The following ZDHHC15 variants were observed in gnomAD, a reference collection of about 807,000 sequenced individuals.
ZDHHC15 encodes the protein zDHHC palmitoyltransferase 15.
A neutral mutation model predicts 31.7 loss-of-function variants in ZDHHC15; 19 were observed. The observed-to-expected ratio is 0.60, with a 90% CI of 0.42 to 0.88. ZDHHC15 has a LOEUF of 0.88. ZDHHC15 is among the 40% of genes least tolerant of loss of function. The probability of loss-of-function intolerance (pLI) is 0.00; values close to 1 mark genes in which losing one functional copy is unlikely to be tolerated. For missense variants in ZDHHC15, 209 were observed against 251.2 expected (o/e 0.83, Z 1.14); for synonymous variants, 103 against 90.0 (o/e 1.14, Z -0.82).
At chrX:75,434,648 A>G (rs778789918) in intron 4 of ZDHHC15, among the ~76,000 whole-genome samples, 18 of 111,671 alleles carry the variant, frequency 1.6e-4, no homozygotes, top group Non-Finnish European at 3.0e-4. Flanking sequence ...AGTTAGCTGT[A>G]AGTATTTGGG....
intron 1 of ZDHHC15, among the ~76,000 whole-genome samples, chrX:75,509,664 ACT>A (rs773421722): frequency 1.8e-3 from 198 of 112,395 alleles, no homozygotes; most frequent in Non-Finnish European, 3.3e-3. Context: ...TTAATTAATC[ACT>A]GTGTGCCTCA....
At position 75,371,533 on chromosome X, in the gene ZDHHC15, A is replaced by G. The variant is rs764635613; in HGVS notation, c.*1445T>C. 9.8e-5 allele frequency: 11 copies of G among 111,939 alleles called. No homozygotes were observed. Among genetic ancestry groups the G allele is most frequent in the Non-Finnish European group, 1.9e-4 (10 of 53,210 alleles). 9.2% of individuals were successfully genotyped at this position (111,939 alleles called of 1,213,427 possible). A position where few individuals can be genotyped will look rare whatever the true frequency, so the allele number is the denominator to read the frequency against. On this transcript the variant is annotated 3_prime_UTR_variant, in exon 12 of 12. Coordinates refer to ENST00000373367, the MANE Select transcript of ZDHHC15 (RefSeq NM_144969.3). ...CTGGATTGTTCACTTTCTCAGCTCCACTGGAACCCCAACACTAAATTGTGG... is the reference window on the plus strand; with the variant it reads ...CTGGATTGTTCACTTTCTCAGCTCCGCTGGAACCCCAACACTAAATTGTGG...
In ZDHHC15 at chrX:75,460,710, A is replaced by G. The variant is rs1020246391; in HGVS notation, c.259-9788T>C. Among the ~76,000 whole-genome samples, 5 of 111,250 alleles carry G rather than the reference A, an allele frequency of 4.5e-5. No individual in the cohort carries two copies. The South Asian group carries it at 1.5e-3, about 34-fold the overall frequency. ...ACCACAGCAGCCCTATAGGAGAGTG[A>G]CCTGACTGTTAAAAGAAAAACAAAC... On this transcript the variant is annotated intron_variant, in intron 3 of 11. Transcript: ENST00000373367.
At chrX:75,431,566 A>G (rs1194020994) in intron 4 of ZDHHC15, 46 bp from the exon 5 acceptor site, 7 of 1,077,934 alleles carry the variant, frequency 6.5e-6, no homozygotes, top group Non-Finnish European at 7.6e-6. Context: ...AGGGCTCAAT[A>G]TAAGACCTTA....
chrX:75,462,428 A>G (rs1377329286), intron 3 of ZDHHC15, among the ~76,000 whole-genome samples: 1 of 112,535 alleles, frequency 8.9e-6, no homozygotes, highest in African/African-American at 3.2e-5. Context: ...AGAGGACCTG[A>G]TAGATATCTA....
At chrX:75,509,017 G>T (rs777826265) in intron 1 of ZDHHC15, among the ~76,000 whole-genome samples, 1 of 110,826 alleles carries the variant, frequency 9.0e-6, no homozygotes, top group Non-Finnish European at 1.9e-5. Context: ...TTGTAAATTT[G>T]TTTGAGTTCT....
chrX:75,379,785 A>G (rs1163794006), intron 10 of ZDHHC15, among the ~76,000 whole-genome samples: 1 of 112,169 alleles, frequency 8.9e-6, no homozygotes, highest in East Asian at 2.8e-4. Flanking sequence ...GCATTTTGAG[A>G]TTAAAAAGTT....
intron 10 of ZDHHC15, among the ~76,000 whole-genome samples, chrX:75,397,825 G>A (rs1328462342): frequency 8.9e-6 from 1 of 111,747 alleles, no homozygotes; most frequent in Non-Finnish European, 1.9e-5. Context: ...TCCACCCAGG[G>A]AAGCCATGCT....
intron 11 of ZDHHC15, among the ~76,000 whole-genome samples, chrX:75,376,833 G>A (rs2083064886): frequency 9.0e-6 from 1 of 111,404 alleles, no homozygotes; most frequent in African/African-American, 3.3e-5. Flanking sequence ...ATATAATCTA[G>A]AATAAGTACA....
chrX:75,488,481 G>T (rs1045625389), intron 2 of ZDHHC15, among the ~76,000 whole-genome samples: 1 of 112,366 alleles, frequency 8.9e-6, no homozygotes, highest in African/African-American at 3.2e-5. Context: ...GAGAGAATTT[G>T]CCATTACCAA....
intron 7 of ZDHHC15, among the ~76,000 whole-genome samples, chrX:75,425,032 G>A (rs1456214701): frequency 2.7e-5 from 3 of 110,798 alleles, no homozygotes; most frequent in Non-Finnish European, 5.7e-5. Context: ...AGTATCTTAA[G>A]TACCAATTAT....
chrX:75,466,611 C>T (rs979451652), intron 3 of ZDHHC15, among the ~76,000 whole-genome samples: 2 of 111,191 alleles, frequency 1.8e-5, no homozygotes, highest in African/African-American at 6.5e-5. Flanking sequence ...CATTGCAGCA[C>T]TATTCTCAAT....
At chrX:75,389,727 G>C (rs1303136186) in intron 10 of ZDHHC15, among the ~76,000 whole-genome samples, 1 of 111,063 alleles carries the variant, frequency 9.0e-6, no homozygotes, top group Admixed American at 9.5e-5. Context: ...TACTTACCAT[G>C]GGCCTTGGGT....
intron 8 of ZDHHC15, 36 bp downstream of exon 8, chrX:75,424,616 A>C (rs1387828546): frequency 6.9e-6 from 8 of 1,166,593 alleles, no homozygotes; most frequent in Non-Finnish European, 9.1e-6. Context: ...GATACACATT[A>C]ATATGTTTTT....
intron 3 of ZDHHC15, among the ~76,000 whole-genome samples, chrX:75,458,412 T>C (rs2084258780): frequency 8.9e-6 from 1 of 111,752 alleles, no homozygotes; most frequent in East Asian, 2.8e-4. Context: ...TGGGGAAACA[T>C]TCATCAAATT....
chrX:75,402,478 A>G (rs2083368060), intron 10 of ZDHHC15, among the ~76,000 whole-genome samples: 1 of 111,352 alleles, frequency 9.0e-6, no homozygotes, highest in African/African-American at 3.3e-5. Context: ...AACATTAAAA[A>G]AATGGATAGG....
chrX:75,425,829 T>C (rs918096105), intron 7 of ZDHHC15, among the ~76,000 whole-genome samples: 4 of 111,763 alleles, frequency 3.6e-5, no homozygotes, highest in African/African-American at 1.3e-4. Context: ...ATTTTTTTCT[T>C]CTCTGAGATA....
intron 8 of ZDHHC15, 50 bp downstream of exon 8, chrX:75,424,602 C>T (rs765755642): frequency 8.8e-7 from 1 of 1,142,020 alleles, no homozygotes; most frequent in Non-Finnish European, 1.2e-6. Flanking sequence ...TCACAGGTCC[C>T]TCTGATACAC....
intron 1 of ZDHHC15, among the ~76,000 whole-genome samples, chrX:75,522,377 C>T (rs2085454981): frequency 9.0e-6 from 1 of 111,086 alleles, no homozygotes; most frequent in African/African-American, 3.3e-5. Context: ...AAAAGGAGAG[C>T]TAGTAAGAGA....
Sources: allele counts gnomAD v4.1 joint callset (sites outside exome capture counted in the v4.1 genomes callset), GRCh38; gene constraint gnomAD v4.1.1; transcripts MANE v1.5; gene names NCBI Gene and HGNC (gene_info 2026-07-23, HGNC 2026-07-21).